The following TRAPPC3L variants were observed in gnomAD, a reference collection of about 807,000 sequenced individuals.
TRAPPC3L encodes trafficking protein particle complex subunit 3L.
A neutral mutation model predicts 23.7 loss-of-function variants in TRAPPC3L; 23 were observed. That is an observed-to-expected ratio of 0.97 (90% CI 0.70 to 1.37). The LOEUF (loss-of-function observed/expected upper bound fraction) is 1.37. Among genes scored for constraint, TRAPPC3L ranks in the 40% most tolerant of loss-of-function variants. The pLI, the probability that TRAPPC3L is intolerant of heterozygous loss-of-function variation, is 0.00. For synonymous variants in TRAPPC3L, 81 were observed against 77.9 expected (o/e 1.04, Z -0.21); for missense variants, 212 against 216.8 (o/e 0.98, Z 0.14).
rs1326001345 is a variant in TRAPPC3L at position 116,543,414 on chromosome 6, G to T, written c.43-14C>A. 6.5e-7 allele frequency: 1 copy of T among 1,535,720 alleles called. No homozygotes were observed. The highest frequency in any genetic ancestry group is 1.4e-5 in the African/African-American group (1 of 72,550). ...GAGATCTTTATTCTGGAGAAAAAGG[G>T]GTAGTTTCTGGTTATAGGCAAGTTA... On this transcript the variant is annotated splice_polypyrimidine_tract_variant and intron_variant, in intron 1 of 4. Coordinates refer to ENST00000368602, the MANE Select transcript of TRAPPC3L (RefSeq NM_001139444.3).
chr6:116,525,483 A>C (rs920451763), intron 3 of TRAPPC3L, among the ~76,000 whole-genome samples: 5 of 152,208 alleles, frequency 3.3e-5, no homozygotes, highest in Non-Finnish European at 7.3e-5. Context: ...TTAGCAGTGG[A>C]AAGTTTATAA....
chr6:116,496,793 A>G lies in TRAPPC3L; in HGVS notation c.*161T>C. The G allele has an allele frequency of 9.5e-7, 1 of 1,056,234 alleles. No individual in the cohort carries two copies. Among genetic ancestry groups the G allele is most frequent in the South Asian group, 2.2e-5 (1 of 46,168 alleles). The allele number at this position is 1,056,234 out of a possible 1,614,324, so 65.4% of individuals were successfully genotyped here. A position where few individuals can be genotyped will look rare whatever the true frequency, so the allele number is the denominator to read the frequency against. On this transcript the variant is annotated 3_prime_UTR_variant, in exon 5 of 5. Coordinates refer to ENST00000368602, the MANE Select transcript of TRAPPC3L (RefSeq NM_001139444.3). Reference sequence around the variant, plus strand: ...ATGCGTGATTTATAAGCAAAAGGAAAAAAAAACCTTTAAGCCTTCATGCCC... The same window carrying G: ...ATGCGTGATTTATAAGCAAAAGGAAGAAAAAACCTTTAAGCCTTCATGCCC...
chr6:116,496,456 C>T lies in TRAPPC3L; in HGVS notation c.*498G>A, dbSNP rs536796525. The T allele has an allele frequency of 6.6e-6, 1 of 151,954 alleles. No individual in the cohort carries two copies. The highest frequency in any genetic ancestry group is 1.5e-5 in the Non-Finnish European group (1 of 67,994). 9.4% of individuals were successfully genotyped at this position (151,954 alleles called of 1,614,324 possible). On this transcript the variant is annotated 3_prime_UTR_variant, in exon 5 of 5. Transcript: ENST00000368602. Reference sequence around the variant, plus strand: ...CAGAAGGCTAAAGCTATAAGCCAAGCTAATACATGAGAAAAATCAAATCAT... The same window carrying T: ...CAGAAGGCTAAAGCTATAAGCCAAGTTAATACATGAGAAAAATCAAATCAT...
chr6:116,498,103 A>C (rs2115151477), intron 4 of TRAPPC3L, among the ~76,000 whole-genome samples: 1 of 152,342 alleles, frequency 6.6e-6, no homozygotes, highest in East Asian at 1.9e-4. Flanking sequence ...CTTTGTCAAA[A>C]TTTAACAGAA....
rs534377105 is a variant in TRAPPC3L at position 116,540,379 on chromosome 6, A to G, written c.224T>C (p.Ile75Thr). Reference sequence around the variant, plus strand: ...CATAGTTACCTGGGCAATTATGTCTATAATTTCTGAATAACTATGGCATCT... The same window carrying G: ...CATAGTTACCTGGGCAATTATGTCTGTAATTTCTGAATAACTATGGCATCT... ...VGRCHSYSEI[I>T]DIIAQVAFKM... The change falls in exon 3 of 5, where the codon ATA becomes ACA. Residue 75 changes from isoleucine to threonine, a missense_variant. Ile to Thr is a moderately conservative substitution (Grantham distance 89). Transcript: ENST00000368602. 3.9e-5 allele frequency: 61 copies of G among 1,551,208 alleles called. No individual in the cohort carries two copies. In the East Asian group the frequency reaches 1.1e-3, roughly 27 times the overall value.
chr6:116,504,305 CA>C (rs1486566701), intron 3 of TRAPPC3L, among the ~76,000 whole-genome samples: 1 of 152,170 alleles, frequency 6.6e-6, no homozygotes, highest in African/African-American at 2.4e-5. Flanking sequence ...TTCCTGGACA[CA>C]TACACCCTCC....
At chr6:116,538,622 A>G (rs1359472735) in intron 3 of TRAPPC3L, among the ~76,000 whole-genome samples, 1 of 152,136 alleles carries the variant, frequency 6.6e-6, no homozygotes, top group East Asian at 1.9e-4. Flanking sequence ...CTAATAAACA[A>G]CCTTAAATAC....
At chr6:116,531,102 T>C (rs894864327) in intron 3 of TRAPPC3L, among the ~76,000 whole-genome samples, 2 of 152,032 alleles carry the variant, frequency 1.3e-5, no homozygotes, top group African/African-American at 4.8e-5. Context: ...TGGCCACAGT[T>C]AATGGATTAG....
intron 3 of TRAPPC3L, chr6:116,511,846 T>C (rs1290633545): frequency 9.3e-6 from 15 of 1,614,134 alleles, no homozygotes; most frequent in Non-Finnish European, 1.2e-5. Context: ...ATATGACCTA[T>C]GGGCTGGTTT....
In TRAPPC3L at chr6:116,530,902, CATATATATATATATATATATAT is replaced by C. The variant is rs10557481; in HGVS notation, c.240+9439_240+9460del. Among the ~76,000 whole-genome samples the C allele has an allele frequency of 4.6e-4, 35 of 76,484 alleles. 1 individual carries two copies. In the East Asian group the frequency reaches 0.015, roughly 32 times the overall value. 50.2% of individuals were successfully genotyped at this position (76,484 alleles called of 152,430 possible). On this transcript the variant is annotated intron_variant, in intron 3 of 4. Transcript: ENST00000368602. The stretch of plus-strand genomic sequence containing the variant: ...GAAGGTTCATAGATAAAGTGAGACT[CATATATATATATATATATATAT>C]ATATATATATATATATATATGTTAC...
Position 116,545,478 on chromosome 6 carries a change from T to A in TRAPPC3L, c.37A>T (p.Lys13Ter), listed in dbSNP as rs555972866. The change falls in exon 1 of 5, where the codon AAA (lysine) becomes TAA (stop). Residue 13 changes from lysine to a stop codon, truncating the protein, a stop_gained. Coordinates refer to ENST00000368602, the MANE Select transcript of TRAPPC3L (RefSeq NM_001139444.3). LOFTEE classifies it high-confidence loss of function. ...TCTTTGTAGAAAGATCTTACTATTT[T>A]ATGGTATTCTGGTCTTCGGTGTGCA... Reference protein sequence around the residue: ...RPAHRRPEYHKINKDLFVLTY... With the variant: ...RPAHRRPEYH 1.2e-5 allele frequency: 18 copies of A among 1,546,582 alleles called. No homozygotes were observed. In the South Asian group the frequency reaches 2.2e-4, roughly 19 times the overall value.
At chr6:116,544,339 G>A (rs558167612) in intron 1 of TRAPPC3L, among the ~76,000 whole-genome samples, 1 of 151,988 alleles carries the variant, frequency 6.6e-6, no homozygotes, top group Non-Finnish European at 1.5e-5. Context: ...TGTCCCTGAT[G>A]GGTGGGCACT....
intron 4 of TRAPPC3L, among the ~76,000 whole-genome samples, chr6:116,500,164 G>C (rs571457955): frequency 2.0e-5 from 3 of 152,292 alleles, no homozygotes; most frequent in African/African-American, 7.2e-5. Context: ...AGTGAGCTTG[G>C]AAGTAGATTC....
intron 4 of TRAPPC3L, among the ~76,000 whole-genome samples, chr6:116,499,888 T>A (rs971592460): frequency 4.6e-5 from 7 of 152,368 alleles, no homozygotes; most frequent in Admixed American, 2.6e-4. Context: ...CTTGTTCATC[T>A]GTGTATACTC....
intron 3 of TRAPPC3L, among the ~76,000 whole-genome samples, chr6:116,504,320 G>C (rs191798216): frequency 1.0e-3 from 152 of 152,274 alleles, no homozygotes; most frequent in African/African-American, 3.3e-3. Context: ...ACCCTCCCAA[G>C]ACTAAGCCAG....
rs1184822961 is a variant in TRAPPC3L, at chr6:116,495,124, A to C, written c.*1830T>G. 2.0e-5 allele frequency: 3 copies of C among 149,932 alleles called. No homozygotes were observed. The highest frequency in any genetic ancestry group is 4.4e-5 in the Non-Finnish European group (3 of 67,560). 9.3% of individuals were successfully genotyped at this position (149,932 alleles called of 1,614,324 possible). A position where few individuals can be genotyped will look rare whatever the true frequency, so the allele number is the denominator to read the frequency against. ...GACCCAGATCTTATTCATTCTATCT[A>C]ACTATATTTTTGTACCCATTAACCA... On this transcript the variant is annotated 3_prime_UTR_variant, in exon 5 of 5. Transcript: ENST00000368602.
At chr6:116,516,706 TATAC>T (rs1160076947) in intron 3 of TRAPPC3L, 2 of 123,104 alleles carry the variant, frequency 1.6e-5, no homozygotes, top group African/African-American at 3.4e-5. Flanking sequence ...TATATATATA[TATAC>T]ACACACACAG....
In TRAPPC3L at chr6:116,500,674, GA is replaced by G. The variant is rs1252559318; in HGVS notation, c.241-9del. On this transcript the variant is annotated splice_polypyrimidine_tract_variant and intron_variant, in intron 3 of 4. Transcript: ENST00000368602. Reference sequence around the variant, plus strand: ...GTACATCTTGAAAGCAACCTGATAAGAAAAAAACAAAATTACTAAAACTTGG... The same window carrying G: ...GTACATCTTGAAAGCAACCTGATAAGAAAAAACAAAATTACTAAAACTTGG... The G allele has an allele frequency of 2.6e-6, 4 of 1,548,760 alleles. No individual in the cohort carries two copies. The highest frequency in any genetic ancestry group is 2.7e-5 in the African/African-American group (2 of 72,754).
At chr6:116,517,464 A>G (rs895174384) in intron 3 of TRAPPC3L, 1 of 152,136 alleles carries the variant, frequency 6.6e-6, no homozygotes, top group Non-Finnish European at 1.5e-5. Flanking sequence ...AAAAAGAACT[A>G]TGTTTTGTGC....
Sources: gnomAD v4.1 joint callset for allele counts (sites outside exome capture counted in the v4.1 genomes callset) on GRCh38, gnomAD v4.1.1 for gene constraint, MANE v1.5 for transcripts, NCBI Gene and HGNC (gene_info 2026-07-23, HGNC 2026-07-21) for gene names.